Variants in EYS observed in about 807,000 individuals in gnomAD.
The protein encoded by EYS is EGF-like photoreceptor maintenance factor.
Under a neutral mutation model 282.1 loss-of-function variants are expected in EYS, and 250 were observed. The observed-to-expected ratio is 0.89, with a 90% confidence interval of 0.80 to 0.98. The LOEUF (loss-of-function observed/expected upper bound fraction) is 0.98. EYS is among the 50% of genes least tolerant of loss of function. EYS has a pLI of 0.00. For synonymous variants in EYS, 1,355 were observed against 1,282.9 expected (o/e 1.06, Z -1.20); for missense variants, 4,016 against 3,709.0 (o/e 1.08, Z -2.15).
At chr6:65,101,958 A>C (rs1774905811) in intron 12 of EYS, among the ~76,000 whole-genome samples, 1 of 151,264 alleles carries the variant, frequency 6.6e-6, no homozygotes, top group Non-Finnish European at 1.5e-5. Flanking sequence ...TATGAACTTG[A>C]AACAATTTAC....
intron 19 of EYS, among the ~76,000 whole-genome samples, chr6:64,854,604 A>AG (rs1180856448): frequency 3.6e-5 from 1 of 27,684 alleles, no homozygotes; most frequent in Non-Finnish European, 6.7e-5. Context: ...GGGTGGGGGG[A>AG]GGGGGGAGGG....
At chr6:64,293,289 C>T (rs569630047) in intron 30 of EYS, among the ~76,000 whole-genome samples, 5 of 151,976 alleles carry the variant, frequency 3.3e-5, no homozygotes, top group Admixed American at 6.6e-5. Context: ...ATAGTTACCA[C>T]AAATGTATAA....
At chr6:63,962,712 G>A (rs554211714) in intron 35 of EYS, among the ~76,000 whole-genome samples, 64 of 152,174 alleles carry the variant, frequency 4.2e-4, no homozygotes, top group Admixed American at 2.4e-3. Flanking sequence ...GATTCCTCAG[G>A]GATCTAGAAC....
intron 29 of EYS, among the ~76,000 whole-genome samples, chr6:64,342,620 T>C (rs1254381522): frequency 6.6e-6 from 1 of 151,910 alleles, no homozygotes; most frequent in Non-Finnish European, 1.5e-5. Flanking sequence ...CATGCCAAAT[T>C]GTAAAGACCA....
rs564302046 is a variant in EYS, at chr6:65,631,511, G to C, written c.-333+8267C>G. Among the ~76,000 whole-genome samples, 15 of 151,550 alleles carry C rather than the reference G, an allele frequency of 9.9e-5. No homozygotes were observed. The East Asian group carries it at 2.7e-3, about 27-fold the overall frequency. ...AAAAATCCTGTGTTGTTTTCCCTCTGTGGGGCAAGTGGGAGGTGAGTTTTA... is the reference window on the plus strand; with the variant it reads ...AAAAATCCTGTGTTGTTTTCCCTCTCTGGGGCAAGTGGGAGGTGAGTTTTA... On this transcript the variant is annotated intron_variant, in intron 2 of 42. Coordinates refer to ENST00000503581, the MANE Select transcript of EYS (RefSeq NM_001142800.2).
At chr6:65,620,049 C>G (rs354374) in intron 2 of EYS, among the ~76,000 whole-genome samples, 8,797 of 152,168 alleles carry the variant, frequency 0.058, 531 homozygotes, top group East Asian at 0.18. Context: ...GCTTTGGTAT[C>G]AGGATGATGC....
intron 26 of EYS, among the ~76,000 whole-genome samples, chr6:64,488,972 T>G (rs1202688489): frequency 1.3e-5 from 2 of 150,960 alleles, no homozygotes; most frequent in African/African-American, 4.8e-5. Context: ...TATTTCTATA[T>G]GATCTGATAC....
At chr6:65,201,287 T>C (rs900261961) in intron 12 of EYS, among the ~76,000 whole-genome samples, 3 of 152,210 alleles carry the variant, frequency 2.0e-5, no homozygotes, top group African/African-American at 7.2e-5. Flanking sequence ...ACTTAGTATG[T>C]TAACATAAAT....
At chr6:65,451,862 TA>T (rs1254658081) in intron 5 of EYS, among the ~76,000 whole-genome samples, 4 of 151,904 alleles carry the variant, frequency 2.6e-5, no homozygotes, top group Non-Finnish European at 5.9e-5. Context: ...TCTAATTTTT[TA>T]AAAAATGTAT....
At chr6:63,865,674 C>T (rs1276483344) in intron 35 of EYS, among the ~76,000 whole-genome samples, 1 of 152,034 alleles carries the variant, frequency 6.6e-6, no homozygotes, top group East Asian at 1.9e-4. Flanking sequence ...ATGAATTTTT[C>T]CCCAGCTATC....
intron 26 of EYS, among the ~76,000 whole-genome samples, chr6:64,449,141 C>A (rs922210530): frequency 6.6e-6 from 1 of 151,982 alleles, no homozygotes; most frequent in Non-Finnish European, 1.5e-5. Flanking sequence ...CTAGAATAAC[C>A]AATGCAGAGA....
chr6:64,464,251 C>T (rs1775846769), intron 26 of EYS, among the ~76,000 whole-genome samples: 1 of 152,076 alleles, frequency 6.6e-6, no homozygotes, highest in Admixed American at 6.6e-5. Flanking sequence ...CTCAACATTC[C>T]TTCGTGATAA....
chr6:64,486,705 G>A (rs998675431), intron 26 of EYS, among the ~76,000 whole-genome samples: 4 of 151,422 alleles, frequency 2.6e-5, no homozygotes, highest in African/African-American at 4.8e-5. Flanking sequence ...AAAAGTCAAC[G>A]TAGAATAATA....
chr6:64,081,512 A>G (rs998052325), intron 32 of EYS, among the ~76,000 whole-genome samples: 1 of 152,212 alleles, frequency 6.6e-6, no homozygotes. Context: ...CCAAGTTATC[A>G]AGTATTGAAT....
chr6:65,675,265 T>C (rs981093734), intron 1 of EYS, among the ~76,000 whole-genome samples: 2 of 151,906 alleles, frequency 1.3e-5, no homozygotes, highest in Admixed American at 1.3e-4. Context: ...TATCAATAAA[T>C]ATTTTAAATA....
At chr6:65,385,276 A>G (rs891229014) in intron 7 of EYS, among the ~76,000 whole-genome samples, 5 of 151,964 alleles carry the variant, frequency 3.3e-5, no homozygotes, top group African/African-American at 1.2e-4. Context: ...TTATTAATGA[A>G]GTGAATTTAA....
chr6:65,042,522 G>C (rs943508624), intron 13 of EYS, among the ~76,000 whole-genome samples: 1 of 149,548 alleles, frequency 6.7e-6, no homozygotes, highest in African/African-American at 2.5e-5. Flanking sequence ...TTTACTTGTT[G>C]CTCTTTGGAA....
intron 12 of EYS, among the ~76,000 whole-genome samples, chr6:65,106,143 A>T (rs139245626): frequency 2.0e-3 from 299 of 152,084 alleles, no homozygotes; most frequent in Non-Finnish European, 3.4e-3. Context: ...AGAAACTCTT[A>T]CGCAGTATGG....
intron 2 of EYS, among the ~76,000 whole-genome samples, chr6:65,536,028 TGGAAGA>T (rs1397329914): frequency 5.3e-5 from 8 of 152,038 alleles, no homozygotes; most frequent in African/African-American, 1.9e-4. Context: ...GAGGAAATCA[TGGAAGA>T]AATTTAAATG....
Sources: gnomAD v4.1 joint callset for allele counts (sites outside exome capture counted in the v4.1 genomes callset) on GRCh38, gnomAD v4.1.1 for gene constraint, MANE v1.5 for transcripts, NCBI Gene and HGNC (gene_info 2026-07-23, HGNC 2026-07-21) for gene names.